Variants in DCLK1 observed in about 807,000 individuals in gnomAD.
DCLK1 encodes the protein doublecortin like kinase 1.
In DCLK1, 16 loss-of-function variants were observed where a neutral mutation model predicts 86.2. That is an observed-to-expected ratio of 0.19 (90% CI 0.13 to 0.28). The LOEUF (loss-of-function observed/expected upper bound fraction) is 0.28. Among genes scored for constraint, DCLK1 ranks in the 10% least tolerant of loss-of-function variants. DCLK1 has a pLI of 1.00. For missense variants in DCLK1, 590 were observed against 940.2 expected (o/e 0.63, Z 4.87); for synonymous variants, 369 against 370.5 (o/e 1.00, Z 0.05).
intron 4 of DCLK1, among the ~76,000 whole-genome samples, chr13:35,884,250 C>A (rs1873095171): frequency 6.6e-6 from 1 of 151,930 alleles, no homozygotes; most frequent in African/African-American, 2.4e-5. Flanking sequence ...ATTAGCAAGA[C>A]AAACTGGTCT....
chr13:35,858,688 G>C (rs1024096500), intron 5 of DCLK1, among the ~76,000 whole-genome samples: 2 of 152,012 alleles, frequency 1.3e-5, no homozygotes, highest in African/African-American at 4.8e-5. Flanking sequence ...GCCATTAAAA[G>C]TAAAGCAAAA....
intron 6 of DCLK1, chr13:35,847,446 A>G: frequency 1.0e-6 from 1 of 985,078 alleles, no homozygotes; most frequent in Non-Finnish European, 1.2e-6. Context: ...CCACATACAC[A>G]CCAAGCCTGG....
chr13:35,805,713 G>A lies in DCLK1; in HGVS notation c.1930C>T (p.His644Tyr), dbSNP rs1213237656. ...QRFSAVQVLE[H>Y]PWVNDDGLPE... ...GAGTCACTTACATTAACCCAGGGATGCTCAAGTACTTGAACAGCAGAAAAT... is the reference window on the plus strand; with the variant it reads ...GAGTCACTTACATTAACCCAGGGATACTCAAGTACTTGAACAGCAGAAAAT... The change falls in exon 15 of 17, where the codon CAT becomes TAT. Residue 644 changes from histidine (H) to tyrosine (Y), a missense_variant. Physicochemically the swap from His to Tyr is moderately conservative, Grantham distance 83. Transcript: ENST00000360631. The A allele has an allele frequency of 6.2e-7, 1 of 1,613,778 alleles. No individual in the cohort carries two copies.
At chr13:35,884,123 C>A (rs930930300) in intron 4 of DCLK1, among the ~76,000 whole-genome samples, 1 of 151,742 alleles carries the variant, frequency 6.6e-6, no homozygotes, top group African/African-American at 2.4e-5. Context: ...TCTTGCCATT[C>A]TCCTGTGGAT....
At chr13:35,860,602 T>TA (rs906624210) in intron 5 of DCLK1, among the ~76,000 whole-genome samples, 40 of 152,286 alleles carry the variant, frequency 2.6e-4, no homozygotes, top group African/African-American at 8.9e-4. Context: ...AATAAATACT[T>TA]ACAAAGGCTC....
intron 3 of DCLK1, among the ~76,000 whole-genome samples, chr13:35,951,331 G>T (rs145957026): frequency 5.3e-5 from 8 of 151,684 alleles, no homozygotes; most frequent in African/African-American, 1.9e-4. Context: ...TGGATAGATG[G>T]ACGGATGGAA....
chr13:35,880,460 A>C (rs1872821847), intron 4 of DCLK1, among the ~76,000 whole-genome samples: 1 of 152,144 alleles, frequency 6.6e-6, no homozygotes. Context: ...ACAACTCCAA[A>C]ATGGTGTTCC....
intron 4 of DCLK1, among the ~76,000 whole-genome samples, chr13:35,935,797 C>G (rs1295668370): frequency 6.6e-6 from 1 of 152,158 alleles, no homozygotes; most frequent in East Asian, 1.9e-4. Context: ...GCCTTTAATA[C>G]TATCTGTGTG....
intron 4 of DCLK1, among the ~76,000 whole-genome samples, chr13:35,944,004 G>A (rs1372500277): frequency 1.3e-5 from 2 of 152,150 alleles, no homozygotes; most frequent in African/African-American, 2.4e-5. Context: ...TGACGATATC[G>A]CTAAAATGGT....
chr13:35,958,535 CCA>C (rs1878276451), intron 3 of DCLK1, among the ~76,000 whole-genome samples: 1 of 151,596 alleles, frequency 6.6e-6, no homozygotes, highest in East Asian at 1.9e-4. Context: ...AGTATAACTA[CCA>C]ATACCACCAC....
At chr13:35,938,679 C>T (rs1056789916) in intron 4 of DCLK1, among the ~76,000 whole-genome samples, 1 of 151,292 alleles carries the variant, frequency 6.6e-6, no homozygotes, top group Non-Finnish European at 1.5e-5. Context: ...TCTAAATTTA[C>T]ACCCCATCAT....
intron 3 of DCLK1, among the ~76,000 whole-genome samples, chr13:35,952,328 T>C (rs1409765373): frequency 2.0e-5 from 3 of 152,200 alleles, no homozygotes; most frequent in Admixed American, 6.5e-5. Flanking sequence ...ATCAGTATCA[T>C]TACTTTGATG....
intron 4 of DCLK1, among the ~76,000 whole-genome samples, chr13:35,926,722 C>A (rs1746139794): frequency 6.6e-6 from 1 of 152,174 alleles, no homozygotes; most frequent in Non-Finnish European, 1.5e-5. Context: ...ACATGGTTTT[C>A]ACCTACATCA....
intron 3 of DCLK1, among the ~76,000 whole-genome samples, chr13:36,030,581 A>G (rs1398351448): frequency 6.6e-6 from 1 of 151,564 alleles, no homozygotes; most frequent in Non-Finnish European, 1.5e-5. Flanking sequence ...TGCTGGGATT[A>G]CAGGCGTGAG....
In DCLK1 at chr13:35,831,126, G is replaced by T. The variant is rs7339039; in HGVS notation, c.1230-2819C>A. Among the ~76,000 whole-genome samples the T allele has an allele frequency of 7.4e-3, 1,125 of 152,282 alleles. 11 individuals carry two copies. Among genetic ancestry groups the T allele is most frequent in the African/African-American group, 0.025 (1,040 of 41,552 alleles). Reference sequence around the variant, plus strand: ...GCTTACTAGGAACAAAGACCTTGTGGATTTCCACTATACAACCTTTCGTAA... The same window carrying T: ...GCTTACTAGGAACAAAGACCTTGTGTATTTCCACTATACAACCTTTCGTAA... On this transcript the variant is annotated intron_variant, in intron 8 of 16. Coordinates refer to ENST00000360631, the MANE Select transcript of DCLK1 (RefSeq NM_001330071.2).
intron 5 of DCLK1, among the ~76,000 whole-genome samples, chr13:35,867,963 A>AAGAAAGAAAAAGAAAGAG (rs796441369): frequency 1.5e-5 from 2 of 135,156 alleles, no homozygotes; most frequent in Non-Finnish European, 3.1e-5. Flanking sequence ...GAAAGAAAGA[A>AAGAAAGAAAAAGAAAGAG]AGAGAAAAAG....
intron 4 of DCLK1, among the ~76,000 whole-genome samples, chr13:35,940,252 T>G (rs1336111682): frequency 9.7e-5 from 13 of 133,360 alleles, no homozygotes; most frequent in South Asian, 4.7e-4. Context: ...GTATGAAGGG[T>G]CACATCTCCA....
At chr13:36,050,473 G>C (rs1430574512) in intron 3 of DCLK1, among the ~76,000 whole-genome samples, 1 of 152,076 alleles carries the variant, frequency 6.6e-6, no homozygotes, top group Non-Finnish European at 1.5e-5. Context: ...GAGGGTCAGG[G>C]AGAATTGAGT....
At chr13:35,811,052 A>T in intron 11 of DCLK1, 84 bp from the exon 12 acceptor site, 1 of 1,558,002 alleles carries the variant, frequency 6.4e-7, no homozygotes, top group Non-Finnish European at 8.8e-7. Context: ...CACTGTGTTT[A>T]AATTTAATGT....
Sources: gnomAD v4.1 joint callset for allele counts (sites outside exome capture counted in the v4.1 genomes callset) on GRCh38, gnomAD v4.1.1 for gene constraint, MANE v1.5 for transcripts, NCBI Gene and HGNC (gene_info 2026-07-23, HGNC 2026-07-21) for gene names.